Variants in SESTD1 observed in about 807,000 individuals in gnomAD.
The protein encoded by SESTD1 is SEC14 and spectrin domain containing 1, also known as SEC14 domain and spectrin repeat-containing protein 1.
Under a neutral mutation model 101.7 loss-of-function variants are expected in SESTD1, and 43 were observed. The observed-to-expected ratio is 0.42, with a 90% CI of 0.33 to 0.55. The LOEUF is 0.55. Among genes scored for constraint, SESTD1 ranks in the 20% least tolerant of loss-of-function variants. SESTD1 has a pLI of 0.07. For synonymous variants in SESTD1, 283 were observed against 286.8 expected, an observed-to-expected ratio of 0.99 and a Z score of 0.13; for missense variants, 647 against 815.1, an observed-to-expected ratio of 0.79 and a Z score of 2.51.
intron 16 of SESTD1, among the ~76,000 whole-genome samples, 191 bp from the exon 17 acceptor site, chr2:179,113,036 G>A (rs1400306886): frequency 6.6e-6 from 1 of 152,140 alleles, no homozygotes; most frequent in Non-Finnish European, 1.5e-5. Flanking sequence ...ATATAAGATT[G>A]ATCTATTATT....
At chr2:179,142,116 T>C (rs965483278) in intron 9 of SESTD1, among the ~76,000 whole-genome samples, 12 of 152,188 alleles carry the variant, frequency 7.9e-5, no homozygotes, top group Non-Finnish European at 1.5e-4. Context: ...TTTTGTATAA[T>C]AAATAAAAGT....
intron 5 of SESTD1, among the ~76,000 whole-genome samples, chr2:179,154,481 GAAGT>G (rs1261099635): frequency 5.3e-5 from 8 of 152,220 alleles, no homozygotes; most frequent in Admixed American, 2.0e-4. Flanking sequence ...AATTTTTAAT[GAAGT>G]AAGAGATCTA....
At chr2:179,185,758 A>T (rs1458315420) in intron 2 of SESTD1, among the ~76,000 whole-genome samples, 1 of 124,806 alleles carries the variant, frequency 8.0e-6, no homozygotes, top group Non-Finnish European at 1.6e-5. Flanking sequence ...TATTATATAC[A>T]ATATATAATA....
chr2:179,185,682 T>TATATATAATATAGTATCTTATATACA (rs2046209938), intron 2 of SESTD1, among the ~76,000 whole-genome samples: 5 of 107,842 alleles, frequency 4.6e-5, no homozygotes, highest in Admixed American at 1.2e-4. Context: ...TATAGCATAT[T>TATATATAATATAGTATCTTATATACA]ATATATAATA....
intron 7 of SESTD1, among the ~76,000 whole-genome samples, chr2:179,146,906 T>TGTGTGG (rs2045407821): frequency 2.2e-5 from 1 of 45,408 alleles, no homozygotes; most frequent in Non-Finnish European, 3.6e-5. Flanking sequence ...ATTCCAGGGG[T>TGTGTGG]GTGTGTGTGT....
In SESTD1 at chr2:179,104,790, C is replaced by G. The variant is rs1260243213; in HGVS notation, c.*5109G>C. ...ATACATACAGCCTCATAAAGTTCTC[C>G]AAAAAAAATCTTTAAAAATGTGCCC... On this transcript the variant is annotated 3_prime_UTR_variant, in exon 18 of 18. Coordinates refer to ENST00000428443, the MANE Select transcript of SESTD1 (RefSeq NM_178123.5). 6.6e-6 allele frequency: 1 copy of G among 151,736 alleles called. No homozygotes were observed. Among genetic ancestry groups the G allele is most frequent in the Admixed American group, 6.6e-5 (1 of 15,196 alleles). The allele number at this position is 151,736 out of a possible 1,614,324, so 9.4% of individuals were successfully genotyped here.
rs561094684 is a variant in SESTD1 at position 179,159,856 on chromosome 2, A to G, written c.370-8465T>C. On this transcript the variant is annotated intron_variant, in intron 5 of 17. Transcript: ENST00000428443. ...AAGAAAAAAACAAAGAAAGAAACATAATGAAAAAAAATTTTTTTTGAGAGT... is the reference window on the plus strand; with the variant it reads ...AAGAAAAAAACAAAGAAAGAAACATGATGAAAAAAAATTTTTTTTGAGAGT... Among the ~76,000 whole-genome samples the G allele has an allele frequency of 3.3e-5, 5 of 152,212 alleles. No individual in the cohort carries two copies. In the East Asian group the frequency reaches 9.7e-4, roughly 29 times the overall value.
At chr2:179,114,722 T>C (rs1444467203) in intron 16 of SESTD1, among the ~76,000 whole-genome samples, 1 of 152,138 alleles carries the variant, frequency 6.6e-6, no homozygotes, top group Admixed American at 6.5e-5. Flanking sequence ...AAGCAAAAAG[T>C]TTCCCTTCCA....
intron 7 of SESTD1, among the ~76,000 whole-genome samples, chr2:179,148,682 T>C (rs1473215633): frequency 6.6e-6 from 1 of 152,202 alleles, no homozygotes; most frequent in Non-Finnish European, 1.5e-5. Context: ...AAGATAACTC[T>C]AAAAAGGTAG....
chr2:179,176,042 C>T (rs1392568559), intron 4 of SESTD1, among the ~76,000 whole-genome samples: 2 of 152,102 alleles, frequency 1.3e-5, no homozygotes, highest in African/African-American at 2.4e-5. Context: ...TGAGAAGTTT[C>T]TTCAAACTAC....
intron 1 of SESTD1, among the ~76,000 whole-genome samples, chr2:179,239,533 G>C (rs1338754517): frequency 6.6e-6 from 1 of 152,070 alleles, no homozygotes; most frequent in Non-Finnish European, 1.5e-5. Flanking sequence ...CTACACATTA[G>C]AATCATGTGG....
chr2:179,211,337 A>G lies in SESTD1; in HGVS notation c.-25-19471T>C, dbSNP rs956281714. The stretch of plus-strand genomic sequence containing the variant: ...TAAAATTCATATGGAACAACAAAAA[A>G]AAGAGCCTGCATAGCCAAAGAAGAC... On this transcript the variant is annotated intron_variant, in intron 1 of 17. Coordinates refer to ENST00000428443, the MANE Select transcript of SESTD1 (RefSeq NM_178123.5). 6.7e-5 allele frequency among the ~76,000 whole-genome samples: 9 copies of G among 134,110 alleles called. 3 individuals carry two copies. The highest frequency in any genetic ancestry group is 2.9e-4 in the Admixed American group (4 of 13,766). 88.0% of individuals were successfully genotyped at this position (134,110 alleles called of 152,430 possible).
chr2:179,190,672 C>T (rs1197305227), intron 2 of SESTD1, among the ~76,000 whole-genome samples: 1 of 152,050 alleles, frequency 6.6e-6, no homozygotes, highest in Non-Finnish European at 1.5e-5. Context: ...CCATAATGAA[C>T]TTAATCAATT....
chr2:179,114,945 C>G, intron 16 of SESTD1, 120 bp downstream of exon 16: 1 of 842,666 alleles, frequency 1.2e-6, no homozygotes, highest in Non-Finnish European at 1.8e-6. Flanking sequence ...ACCGTAACAA[C>G]GGAACTAATA....
intron 1 of SESTD1, among the ~76,000 whole-genome samples, chr2:179,217,544 TTAAC>T (rs1302868194): frequency 6.6e-6 from 1 of 152,194 alleles, no homozygotes; most frequent in African/African-American, 2.4e-5. Context: ...GTAAATTAGT[TTAAC>T]TATTGTGGAA....
At chr2:179,227,804 G>T (rs985512339) in intron 1 of SESTD1, among the ~76,000 whole-genome samples, 1 of 152,152 alleles carries the variant, frequency 6.6e-6, no homozygotes, top group South Asian at 2.1e-4. Flanking sequence ...GCAGCAGGGT[G>T]TCATGATTAA....
intron 5 of SESTD1, among the ~76,000 whole-genome samples, chr2:179,154,491 A>T (rs1486969304): frequency 6.6e-6 from 1 of 152,172 alleles, no homozygotes; most frequent in Non-Finnish European, 1.5e-5. Flanking sequence ...GAAGTAAGAG[A>T]TCTAGACACT....
chr2:179,119,013 G>A (rs977000020), intron 13 of SESTD1, among the ~76,000 whole-genome samples: 1 of 152,122 alleles, frequency 6.6e-6, no homozygotes, highest in Non-Finnish European at 1.5e-5. Context: ...ATGCTTTCAG[G>A]GAGATAAAAA....
intron 1 of SESTD1, among the ~76,000 whole-genome samples, chr2:179,246,154 C>A (rs2047227378): frequency 6.7e-6 from 1 of 148,830 alleles, no homozygotes; most frequent in African/African-American, 2.5e-5. Flanking sequence ...ACTCAGGAGG[C>A]TGAGGCAGGA....
Sources: gnomAD v4.1 joint callset for allele counts (sites outside exome capture counted in the v4.1 genomes callset) on GRCh38, gnomAD v4.1.1 for gene constraint, MANE v1.5 for transcripts, NCBI Gene and HGNC (gene_info 2026-07-23, HGNC 2026-07-21) for gene names.